The following CEP112 variants were observed in gnomAD, a reference collection of about 807,000 sequenced individuals.
CEP112 encodes the protein centrosomal protein of 112 kDa.
Under a neutral mutation model 153.0 loss-of-function variants are expected in CEP112, and 127 were observed. That is an observed-to-expected ratio of 0.83 (90% CI 0.72 to 0.96). CEP112 has a LOEUF of 0.96. Ranked by LOEUF, CEP112 falls within the 40% of genes least tolerant of loss-of-function variation. CEP112 has a pLI of 0.00. For missense variants in CEP112, 1,089 were observed against 1,101.2 expected, an observed-to-expected ratio of 0.99 and a Z score of 0.16; for synonymous variants, 358 against 374.4, an observed-to-expected ratio of 0.96 and a Z score of 0.51.
At chr17:66,189,418 C>T (rs894676569) in intron 1 of CEP112, among the ~76,000 whole-genome samples, 6 of 151,330 alleles carry the variant, frequency 4.0e-5, no homozygotes, top group Non-Finnish European at 7.4e-5. Flanking sequence ...GCAGGAGAAT[C>T]GCTTGAACCC....
chr17:65,923,505 A>G (rs536843589), intron 19 of CEP112, among the ~76,000 whole-genome samples: 6 of 152,322 alleles, frequency 3.9e-5, no homozygotes, highest in African/African-American at 1.2e-4. Context: ...TGATCATGCC[A>G]CTGCACTCCT....
intron 23 of CEP112, among the ~76,000 whole-genome samples, chr17:65,696,680 A>G (rs1234908044): frequency 6.6e-6 from 1 of 152,260 alleles, no homozygotes; most frequent in South Asian, 2.1e-4. Context: ...AGATGCTGCC[A>G]AGAAGAAGTC....
intron 23 of CEP112, among the ~76,000 whole-genome samples, chr17:65,716,931 G>C (rs2049559629): frequency 6.6e-6 from 1 of 152,168 alleles, no homozygotes; most frequent in Non-Finnish European, 1.5e-5. Context: ...ATGCTTTCCT[G>C]ACTACAGGTC....
chr17:65,721,227 G>A (rs781486619), intron 23 of CEP112, among the ~76,000 whole-genome samples: 1 of 152,032 alleles, frequency 6.6e-6, no homozygotes, highest in Non-Finnish European at 1.5e-5. Context: ...AACCAGGATG[G>A]TCTCGATCTC....
Position 65,903,812 on chromosome 17 carries a change from C to T in CEP112, c.1981-1478G>A, listed in dbSNP as rs192496430. ...TGGGATGCAAGGCTGGTTCAACATACGCAAATCAATAAACGTAATACATCA... is the reference window on the plus strand; with the variant it reads ...TGGGATGCAAGGCTGGTTCAACATATGCAAATCAATAAACGTAATACATCA... On this transcript the variant is annotated intron_variant, in intron 19 of 26. Transcript: ENST00000535342. Among the ~76,000 whole-genome samples, 152 of 152,224 alleles carry T rather than the reference C, an allele frequency of 1.0e-3. 1 individual carries two copies. The highest frequency in any genetic ancestry group is 9.9e-3 in the East Asian group (51 of 5,176).
intron 24 of CEP112, chr17:65,661,767 G>A (rs1453064109): frequency 1.3e-5 from 2 of 152,176 alleles, no homozygotes; most frequent in African/African-American, 2.4e-5. Context: ...GCATGAAGCA[G>A]ATCATATACA....
chr17:65,810,914 A>G (rs1250986544), intron 21 of CEP112, among the ~76,000 whole-genome samples: 1 of 152,186 alleles, frequency 6.6e-6, no homozygotes, highest in Non-Finnish European at 1.5e-5. Flanking sequence ...GCAATTGCAG[A>G]GTAGATTTGG....
chr17:66,066,932 CTT>C (rs1568453571), intron 9 of CEP112, 55 bp from the exon 10 acceptor site: 1 of 1,106,628 alleles, frequency 9.0e-7, no homozygotes, highest in South Asian at 1.8e-5. Context: ...ATATAGGACA[CTT>C]TTTTGAATCC....
chr17:65,986,748 T>G (rs2063423978), intron 17 of CEP112, among the ~76,000 whole-genome samples: 2 of 152,228 alleles, frequency 1.3e-5, no homozygotes, highest in South Asian at 4.1e-4. Context: ...AAAGCAGAGT[T>G]TCTACAGGTA....
chr17:65,861,823 G>T (rs1417744328), intron 20 of CEP112, among the ~76,000 whole-genome samples: 1 of 152,180 alleles, frequency 6.6e-6, no homozygotes, highest in Non-Finnish European at 1.5e-5. Flanking sequence ...CCTACTGTAA[G>T]TTAACTTGGC....
intron 25 of CEP112, among the ~76,000 whole-genome samples, chr17:65,640,154 A>ATATATATATATATTT (rs1300751452): frequency 6.4e-5 from 5 of 78,348 alleles, no homozygotes; most frequent in African/African-American, 3.5e-4. Flanking sequence ...ATATATATAT[A>ATATATATATATATTT]TTTTTTTTTT....
intron 24 of CEP112, among the ~76,000 whole-genome samples, chr17:65,673,928 G>A (rs1196104566): frequency 6.6e-6 from 1 of 152,128 alleles, no homozygotes. Context: ...CCAAGCTGGA[G>A]TATAGTGGCA....
At chr17:66,041,788 G>C (rs1007044693) in intron 12 of CEP112, among the ~76,000 whole-genome samples, 2 of 152,144 alleles carry the variant, frequency 1.3e-5, no homozygotes, top group Non-Finnish European at 2.9e-5. Context: ...TCTCATATTA[G>C]TATGAATAAA....
chr17:66,072,069 G>A (rs1269387846), intron 8 of CEP112, among the ~76,000 whole-genome samples: 1 of 152,054 alleles, frequency 6.6e-6, no homozygotes, highest in East Asian at 1.9e-4. Flanking sequence ...CCTTTACCCA[G>A]ATTTACCAAT....
intron 4 of CEP112, among the ~76,000 whole-genome samples, chr17:66,135,618 A>G (rs1409335343): frequency 6.6e-6 from 1 of 152,174 alleles, no homozygotes; most frequent in Non-Finnish European, 1.5e-5. Context: ...ACCAACATGG[A>G]AAGAAAAAAT....
At chr17:66,155,973 C>A (rs2071420577) in intron 4 of CEP112, among the ~76,000 whole-genome samples, 1 of 152,210 alleles carries the variant, frequency 6.6e-6, no homozygotes, top group South Asian at 2.1e-4. Context: ...AGACTTAAAC[C>A]TTCCTTCCTG....
At chr17:65,911,471 AT>A (rs1310939569) in intron 19 of CEP112, among the ~76,000 whole-genome samples, 2 of 152,208 alleles carry the variant, frequency 1.3e-5, no homozygotes, top group African/African-American at 2.4e-5. Flanking sequence ...TGTATTTTTA[AT>A]TTCTAACATT....
At chr17:65,827,317 T>C (rs138253936) in intron 21 of CEP112, among the ~76,000 whole-genome samples, 136 of 152,332 alleles carry the variant, frequency 8.9e-4, no homozygotes, top group African/African-American at 2.6e-3. Context: ...ATCTATCCTA[T>C]TAGTTCTGTC....
rs1196946805 is a variant in CEP112 at position 66,141,418 on chromosome 17, G to GT, written c.471-8656dup. On this transcript the variant is annotated intron_variant, in intron 4 of 26. Transcript: ENST00000535342. ...AAAATAGTTTTTTTCTTTTATTGTGGTAAAAATACACAACATGAGATCTAC... is the reference window on the plus strand; with the variant it reads ...AAAATAGTTTTTTTCTTTTATTGTGGTTAAAAATACACAACATGAGATCTAC... 2.2e-5 allele frequency among the ~76,000 whole-genome samples: 3 copies of GT among 136,256 alleles called. No homozygotes were observed. In the East Asian group the frequency reaches 5.9e-4, roughly 27 times the overall value. The allele number at this position is 136,256 out of a possible 152,430, so 89.4% of individuals were successfully genotyped here. A position where few individuals can be genotyped will look rare whatever the true frequency, so the allele number is the denominator to read the frequency against.
Sources: allele counts gnomAD v4.1 joint callset (sites outside exome capture counted in the v4.1 genomes callset), GRCh38; gene constraint gnomAD v4.1.1; transcripts MANE v1.5; gene names NCBI Gene and HGNC (gene_info 2026-07-23, HGNC 2026-07-21).